The following PCDH9 variants were observed in gnomAD, a reference collection of about 807,000 sequenced individuals.
PCDH9 encodes the protein protocadherin-9.
A neutral mutation model predicts 70.6 loss-of-function variants in PCDH9; 24 were observed. The observed-to-expected ratio is 0.34, with a 90% CI of 0.25 to 0.48. The LOEUF (loss-of-function observed/expected upper bound fraction) is 0.48. Ranked by LOEUF, PCDH9 falls within the 20% of genes least tolerant of loss-of-function variation. The pLI is 0.99. For missense variants in PCDH9, 1,281 were observed against 1,503.6 expected (o/e 0.85, Z 2.45); for synonymous variants, 562 against 558.5 (o/e 1.01, Z -0.09).
chr13:66,581,911 T>A (rs1224703383), intron 4 of PCDH9, among the ~76,000 whole-genome samples: 2 of 152,184 alleles, frequency 1.3e-5, no homozygotes, highest in Admixed American at 1.3e-4. Flanking sequence ...GTCAGCATAA[T>A]GACTATTCAT....
At chr13:66,559,467 T>C (rs964482698) in intron 4 of PCDH9, among the ~76,000 whole-genome samples, 6 of 152,094 alleles carry the variant, frequency 3.9e-5, no homozygotes, top group African/African-American at 1.4e-4. Context: ...CTGGACTTCA[T>C]AGAAGTTAAG....
chr13:66,304,700 C>A lies in PCDH9; in HGVS notation c.3669G>T (p.Lys1223Asn). 6.2e-7 allele frequency: 1 copy of A among 1,613,328 alleles called. No homozygotes were observed. The highest frequency in any genetic ancestry group is 8.5e-7 in the Non-Finnish European group (1 of 1,179,572). The part of the protein sequence containing the change: ...DIPLANLKSY[K>N]QAGGATESPK... ...GACTCTCAGTAGCACCTCCTGCTTG[C>A]TTATAAGACTTCAGATTTGCCAGAG... The change falls in exon 5 of 5, where the codon AAG becomes AAT. Residue 1223 changes from lysine to asparagine, a missense_variant. Physicochemically the swap from Lys to Asn is moderately conservative, Grantham distance 94 (BLOSUM62 0). Around this residue, in one of 4 missense-constraint regions of PCDH9, gnomAD observed 264 missense variants for 278.8 expected, o/e 0.95. Coordinates refer to ENST00000377865, the MANE Select transcript of PCDH9 (RefSeq NM_203487.3).
intron 3 of PCDH9, among the ~76,000 whole-genome samples, chr13:66,817,111 A>G (rs1373895065): frequency 6.6e-6 from 1 of 152,174 alleles, no homozygotes; most frequent in African/African-American, 2.4e-5. Flanking sequence ...TAATTAATCT[A>G]GAGATGACAA....
intron 4 of PCDH9, among the ~76,000 whole-genome samples, chr13:66,572,905 A>G (rs7326242): frequency 0.46 from 70,493 of 151,766 alleles, 16,716 homozygotes; most frequent in African/African-American, 0.53. Flanking sequence ...GACCACAGAC[A>G]TGTGCCACTG....
At chr13:66,869,740 G>A (rs375742466) in intron 3 of PCDH9, among the ~76,000 whole-genome samples, 15 of 152,120 alleles carry the variant, frequency 9.9e-5, no homozygotes, top group East Asian at 5.8e-4. Flanking sequence ...GAGAAACCTC[G>A]TCAACAGCAC....
intron 3 of PCDH9, among the ~76,000 whole-genome samples, chr13:66,842,633 T>C (rs1437781630): frequency 6.6e-6 from 1 of 152,218 alleles, no homozygotes; most frequent in Non-Finnish European, 1.5e-5. Flanking sequence ...AATTTGTGAA[T>C]AAAATGACAA....
intron 4 of PCDH9, among the ~76,000 whole-genome samples, chr13:66,417,081 G>T (rs981692932): frequency 9.2e-5 from 14 of 152,058 alleles, no homozygotes; most frequent in African/African-American, 3.4e-4. Flanking sequence ...GAACATGCAG[G>T]TTTGTTACAT....
intron 3 of PCDH9, among the ~76,000 whole-genome samples, chr13:66,673,343 C>T (rs1360873379): frequency 1.3e-5 from 2 of 152,136 alleles, no homozygotes; most frequent in Admixed American, 1.3e-4. Flanking sequence ...CCTTCCCCTT[C>T]TTCCATGATT....
At position 66,491,385 on chromosome 13, in the gene PCDH9, TTG is replaced by T. The variant is rs71106974; in HGVS notation, c.3340+139823_3340+139824del. Among the ~76,000 whole-genome samples the T allele has an allele frequency of 2.4e-3, 329 of 136,130 alleles. 4 individuals carry two copies. The highest frequency in any genetic ancestry group is 4.7e-3 in the African/African-American group (168 of 36,124). 89.3% of individuals were successfully genotyped at this position (136,130 alleles called of 152,430 possible). ...GTGTGTTGGGTGAGGGCAGGAGATA[TTG>T]TGTGTGTGTGTGTGTGTGTGTGTGT... On this transcript the variant is annotated intron_variant, in intron 4 of 4. Coordinates refer to ENST00000377865, the MANE Select transcript of PCDH9 (RefSeq NM_203487.3).
intron 4 of PCDH9, among the ~76,000 whole-genome samples, chr13:66,409,446 A>G (rs989031693): frequency 2.0e-5 from 3 of 151,960 alleles, no homozygotes; most frequent in Non-Finnish European, 4.4e-5. Context: ...AAGGTAGCAA[A>G]CTCTATACCT....
intron 2 of PCDH9, among the ~76,000 whole-genome samples, chr13:67,179,779 A>G (rs2088566931): frequency 6.6e-6 from 1 of 151,994 alleles, no homozygotes; most frequent in African/African-American, 2.4e-5. Context: ...AGGCTACACC[A>G]TTTTTCTGTT....
intron 4 of PCDH9, among the ~76,000 whole-genome samples, chr13:66,479,475 C>T (rs1386998419): frequency 6.6e-6 from 1 of 152,184 alleles, no homozygotes; most frequent in African/African-American, 2.4e-5. Flanking sequence ...AAGGATTCAC[C>T]ATTCTTGATG....
At chr13:66,692,256 T>C (rs1371079745) in intron 3 of PCDH9, among the ~76,000 whole-genome samples, 1 of 152,114 alleles carries the variant, frequency 6.6e-6, no homozygotes, top group Non-Finnish European at 1.5e-5. Flanking sequence ...GTTGAAATAT[T>C]AGAGGGCAAA....
At chr13:66,934,552 A>AAACAAG (rs2082874493) in intron 2 of PCDH9, among the ~76,000 whole-genome samples, 1 of 148,896 alleles carries the variant, frequency 6.7e-6, no homozygotes, top group Non-Finnish European at 1.5e-5. Flanking sequence ...AAAAAAAAAA[A>AAACAAG]AAAAAGAAAA....
At chr13:66,657,056 T>C (rs1419714093) in intron 3 of PCDH9, among the ~76,000 whole-genome samples, 2 of 152,176 alleles carry the variant, frequency 1.3e-5, no homozygotes, top group Non-Finnish European at 2.9e-5. Flanking sequence ...TCCATTTTAA[T>C]TACACCGATT....
At chr13:66,730,867 TG>T in intron 3 of PCDH9, among the ~76,000 whole-genome samples, 2 of 92,180 alleles carry the variant, frequency 2.2e-5, no homozygotes, top group African/African-American at 9.7e-5. Context: ...TGTTTTTTTG[TG>T]TGTGTGTGTT....
chr13:67,102,927 C>T (rs2086463393), intron 2 of PCDH9, among the ~76,000 whole-genome samples: 1 of 152,060 alleles, frequency 6.6e-6, no homozygotes, highest in African/African-American at 2.4e-5. Context: ...TCCTACCTCT[C>T]CTCACACATA....
At chr13:66,682,252 G>A (rs1484983142) in intron 3 of PCDH9, among the ~76,000 whole-genome samples, 2 of 151,846 alleles carry the variant, frequency 1.3e-5, no homozygotes, top group African/African-American at 4.8e-5. Flanking sequence ...CCTTTAGAGG[G>A]CCCATCGCCA....
At chr13:67,117,313 A>G (rs1016872971) in intron 2 of PCDH9, among the ~76,000 whole-genome samples, 2 of 152,098 alleles carry the variant, frequency 1.3e-5, no homozygotes, top group African/African-American at 2.4e-5. Flanking sequence ...ATCTTTTCCT[A>G]CTGCCAAAGA....
Sources: gnomAD v4.1 joint callset for allele counts (sites outside exome capture counted in the v4.1 genomes callset) on GRCh38, gnomAD v4.1.1 for gene constraint, gnomAD v4.1.1 regional missense constraint, MANE v1.5 for transcripts, NCBI Gene and HGNC (gene_info 2026-07-23, HGNC 2026-07-21) for gene names.